WIPF1: variants seen among roughly 807,000 people sequenced by gnomAD.
WIPF1 encodes WAS/WASL-interacting protein family member 1.
A neutral mutation model predicts 35.4 loss-of-function variants in WIPF1; 13 were observed. That is an observed-to-expected ratio of 0.37 (90% CI 0.24 to 0.58). The LOEUF (loss-of-function observed/expected upper bound fraction) is 0.58. WIPF1 is among the 20% of genes least tolerant of loss of function. The pLI, the probability that WIPF1 is intolerant of heterozygous loss-of-function variation, is 0.74. For synonymous variants in WIPF1, 267 were observed against 266.3 expected (o/e 1.00, Z -0.02); for missense variants, 591 against 667.0 (o/e 0.89, Z 1.25).
At chr2:174,664,979 T>C (rs564052711) in intron 1 of WIPF1, among the ~76,000 whole-genome samples, 132 of 152,290 alleles carry the variant, frequency 8.7e-4, no homozygotes, top group African/African-American at 2.5e-3. Flanking sequence ...ATGTTAATGT[T>C]TTATTAACAT....
At chr2:174,648,612 A>G (rs1248983455) in intron 1 of WIPF1, among the ~76,000 whole-genome samples, 1 of 152,234 alleles carries the variant, frequency 6.6e-6, no homozygotes, top group Non-Finnish European at 1.5e-5. Flanking sequence ...TTGGAAAATT[A>G]GCAACATGAA....
chr2:174,580,317 A>ACCTCCTTGGTTC (rs1685195138), intron 3 of WIPF1, among the ~76,000 whole-genome samples: 1 of 152,172 alleles, frequency 6.6e-6, no homozygotes. Context: ...AACAACATTC[A>ACCTCCTTGGTTC]AAGGCCTTAT....
At chr2:174,665,317 G>A (rs989716877) in intron 1 of WIPF1, 2 of 152,226 alleles carry the variant, frequency 1.3e-5, no homozygotes, top group African/African-American at 2.4e-5. Context: ...ATGCATCACA[G>A]ACACTCAACT....
At chr2:174,588,648 T>C (rs2105849702) in intron 1 of WIPF1, among the ~76,000 whole-genome samples, 1 of 152,286 alleles carries the variant, frequency 6.6e-6, no homozygotes, top group Admixed American at 6.5e-5. Flanking sequence ...AGAGGGCTAG[T>C]GTGGGAGAAA....
intron 1 of WIPF1, among the ~76,000 whole-genome samples, chr2:174,627,637 G>A (rs1206236898): frequency 1.3e-5 from 2 of 150,922 alleles, no homozygotes; most frequent in Non-Finnish European, 3.0e-5. Context: ...ACCTTGACCT[G>A]CTGGGCTCAA....
chr2:174,586,113 G>A (rs1446806900), intron 1 of WIPF1, among the ~76,000 whole-genome samples: 3 of 152,076 alleles, frequency 2.0e-5, no homozygotes, highest in Non-Finnish European at 4.4e-5. Flanking sequence ...TTCTAGTCCC[G>A]CCCTCAAAGT....
At chr2:174,656,670 T>C (rs959490753) in intron 1 of WIPF1, among the ~76,000 whole-genome samples, 6 of 152,212 alleles carry the variant, frequency 3.9e-5, no homozygotes, top group Non-Finnish European at 8.8e-5. Flanking sequence ...TGGAAACTGC[T>C]TAGAATCCCA....
chr2:174,652,564 T>C (rs1687553894), intron 1 of WIPF1, among the ~76,000 whole-genome samples: 1 of 152,188 alleles, frequency 6.6e-6, no homozygotes, highest in Non-Finnish European at 1.5e-5. Flanking sequence ...ATTAAGGCTA[T>C]ATAGCAATCA....
Position 174,593,787 on chromosome 2 carries a change from C to G in WIPF1, c.-39+3814G>C, listed in dbSNP as rs549619233. ...CAACAGCTCTACCATCCCTTCCCCC[C>G]AGCATGTGGTCTGGCCATTTTAGAA... is the stretch of plus-strand genomic sequence containing the variant. On this transcript the variant is annotated intron_variant, in intron 1 of 7. Transcript: ENST00000679041. 7.2e-5 allele frequency among the ~76,000 whole-genome samples: 11 copies of G among 152,346 alleles called. No homozygotes were observed. The South Asian group carries it at 1.2e-3, about 17-fold the overall frequency.
Position 174,572,370 on chromosome 2 carries a change from A to G in WIPF1, c.435T>C (p.Ser145=). The G allele has an allele frequency of 1.2e-6, 2 of 1,614,074 alleles. No individual in the cohort carries two copies. The highest frequency in any genetic ancestry group is 1.7e-6 in the Non-Finnish European group (2 of 1,179,996). ...STSAKPFSPP[S]GPGRFPVPSP... The stretch of plus-strand genomic sequence containing the variant: ...AAGGCACAGGAAACCTCCCTGGGCC[A>G]CTTGGGGGTGAAAAGGGTTTCGCAG... The change falls in exon 5 of 8, where the codon AGT becomes AGC. Residue 145 remains serine, a synonymous_variant. Transcript: ENST00000679041.
At chr2:174,655,076 C>T (rs1326664068) in intron 1 of WIPF1, among the ~76,000 whole-genome samples, 1 of 152,166 alleles carries the variant, frequency 6.6e-6, no homozygotes, top group Non-Finnish European at 1.5e-5. Context: ...CAACCATGTT[C>T]CACTTCCAGT....
At chr2:174,657,005 A>C (rs1687653925) in intron 1 of WIPF1, among the ~76,000 whole-genome samples, 1 of 152,242 alleles carries the variant, frequency 6.6e-6, no homozygotes. Context: ...CAGCTGATAC[A>C]CACTGTTACA....
chr2:174,635,527 TTG>T (rs568946357), intron 1 of WIPF1, among the ~76,000 whole-genome samples: 8 of 138,810 alleles, frequency 5.8e-5, no homozygotes, highest in Non-Finnish European at 9.2e-5. Flanking sequence ...TGCCTTCTGT[TTG>T]TTTTTTTTTT....
intron 1 of WIPF1, among the ~76,000 whole-genome samples, chr2:174,621,513 C>T (rs971759422): frequency 1.3e-5 from 2 of 152,032 alleles, no homozygotes; most frequent in African/African-American, 2.4e-5. Context: ...CCACCCCCAT[C>T]GCCCACACAC....
intron 5 of WIPF1, among the ~76,000 whole-genome samples, chr2:174,569,256 C>T (rs1684758651): frequency 6.6e-6 from 1 of 152,166 alleles, no homozygotes; most frequent in Admixed American, 6.5e-5. Flanking sequence ...GTCTTGGCTC[C>T]AACATTTTAC....
intron 3 of WIPF1, among the ~76,000 whole-genome samples, chr2:174,579,660 G>T (rs942293492): frequency 6.6e-6 from 1 of 152,216 alleles, no homozygotes; most frequent in African/African-American, 2.4e-5. Context: ...TTAAATAAGA[G>T]AAGTGGACAT....
intron 1 of WIPF1, among the ~76,000 whole-genome samples, chr2:174,664,635 T>C (rs1251407818): frequency 6.6e-6 from 1 of 152,222 alleles, no homozygotes; most frequent in Non-Finnish European, 1.5e-5. Context: ...CTTTGACTTC[T>C]TGTCTCTAGG....
At chr2:174,564,026 A>G (rs1250915189) in intron 7 of WIPF1, among the ~76,000 whole-genome samples, 1 of 152,088 alleles carries the variant, frequency 6.6e-6, no homozygotes, top group Non-Finnish European at 1.5e-5. Flanking sequence ...TTGACCATCA[A>G]CTGACCCGCC....
At chr2:174,651,748 C>A (rs1005305038) in intron 1 of WIPF1, among the ~76,000 whole-genome samples, 1 of 152,192 alleles carries the variant, frequency 6.6e-6, no homozygotes, top group Admixed American at 6.5e-5. Context: ...CAAAGGACCC[C>A]AAAACTCAGC....
Sources: allele counts gnomAD v4.1 joint callset (sites outside exome capture counted in the v4.1 genomes callset), GRCh38; gene constraint gnomAD v4.1.1; transcripts MANE v1.5; gene names NCBI Gene and HGNC (gene_info 2026-07-23, HGNC 2026-07-21).